Variants in CCDC62 observed in about 807,000 individuals in gnomAD.
CCDC62 encodes coiled-coil domain containing 62.
In CCDC62, 72 loss-of-function variants were observed where a neutral mutation model predicts 80.8. The ratio of observed to expected loss-of-function variants is 0.89; its 90% confidence interval spans 0.74 to 1.08. CCDC62 has a LOEUF of 1.08. Among genes scored for constraint, CCDC62 ranks in the 50% least tolerant of loss-of-function variants. The pLI, the probability that CCDC62 is intolerant of heterozygous loss-of-function variation, is 0.00. For synonymous variants in CCDC62, 286 were observed against 296.5 expected, an observed-to-expected ratio of 0.96 and a Z score of 0.36; for missense variants, 704 against 809.4, an observed-to-expected ratio of 0.87 and a Z score of 1.58.
intron 11 of CCDC62, among the ~76,000 whole-genome samples, chr12:122,815,330 C>T (rs1266403652): frequency 1.3e-5 from 2 of 152,246 alleles, no homozygotes; most frequent in Admixed American, 6.5e-5. Flanking sequence ...CCTCCTGCCT[C>T]AGCCTCCCAA....
chr12:122,775,123 C>T (rs1879349465), intron 1 of CCDC62, among the ~76,000 whole-genome samples: 1 of 126,088 alleles, frequency 7.9e-6, no homozygotes, highest in Non-Finnish European at 1.7e-5. Flanking sequence ...AAAAGTGAAA[C>T]AATACACTAG....
At chr12:122,783,672 C>G (rs1420324589) in intron 3 of CCDC62, among the ~76,000 whole-genome samples, 1 of 152,042 alleles carries the variant, frequency 6.6e-6, no homozygotes, top group Non-Finnish European at 1.5e-5. Context: ...AAAAACTATT[C>G]TAGAATATCT....
intron 5 of CCDC62, among the ~76,000 whole-genome samples, chr12:122,789,230 T>C (rs2030450895): frequency 6.6e-6 from 1 of 152,320 alleles, no homozygotes; most frequent in Non-Finnish European, 1.5e-5. Context: ...AGTATCTCAG[T>C]GGCAGACAGT....
chr12:122,776,317 T>TA, intron 1 of CCDC62, among the ~76,000 whole-genome samples: 1 of 152,354 alleles, frequency 6.6e-6, no homozygotes, highest in South Asian at 2.1e-4. Context: ...GCCAACTTGT[T>TA]AGATTTTAAA....
rs950640458 is a variant in CCDC62, at chr12:122,804,559, G to A, written c.1707-1592G>A. 3.9e-5 allele frequency among the ~76,000 whole-genome samples: 6 copies of A among 152,248 alleles called. No homozygotes were observed. In the South Asian group the frequency reaches 1.0e-3, roughly 26 times the overall value. On this transcript the variant is annotated intron_variant, in intron 9 of 12. Transcript: ENST00000253079. ...CAATACTTTGGGAGGCCAAAGCAAG[G>A]AGGATCTCTTGAGTTCAGGAGTTGA...
intron 3 of CCDC62, among the ~76,000 whole-genome samples, chr12:122,783,655 A>T (rs1395800814): frequency 1.3e-5 from 2 of 152,232 alleles, no homozygotes; most frequent in Non-Finnish European, 2.9e-5. Flanking sequence ...CTAGCTATAA[A>T]ATAAGTAAAA....
intron 5 of CCDC62, among the ~76,000 whole-genome samples, chr12:122,791,749 G>A (rs372574874): frequency 1.1e-4 from 16 of 152,274 alleles, no homozygotes; most frequent in African/African-American, 3.4e-4. Flanking sequence ...GCGCTGGGCA[G>A]ATTTTGATTT....
chr12:122,823,555 T>A (rs577833514), intron 12 of CCDC62, 96 bp downstream of exon 12: 4 of 673,554 alleles, frequency 5.9e-6, no homozygotes, highest in South Asian at 5.6e-5. Context: ...CATGCATTTG[T>A]TTGACTTGTA....
chr12:122,778,607 C>CGGTG (rs1239134339), intron 2 of CCDC62, among the ~76,000 whole-genome samples: 1 of 151,952 alleles, frequency 6.6e-6, no homozygotes, highest in Admixed American at 6.6e-5. Context: ...TGGTGGGGTG[C>CGGTG]GGTGGCTCAT....
chr12:122,796,874 CTTCTT>C (rs147245746), intron 6 of CCDC62, among the ~76,000 whole-genome samples: 116,436 of 145,440 alleles, frequency 0.8, 47,244 homozygotes, highest in Middle Eastern at 0.92. Context: ...CAAATCACTT[CTTCTT>C]TTTTTTTTTT....
intron 10 of CCDC62, among the ~76,000 whole-genome samples, chr12:122,812,775 G>A (rs57140048): frequency 5.4e-5 from 4 of 74,494 alleles, no homozygotes; most frequent in African/African-American, 2.6e-4. Context: ...GAGAGAGAGA[G>A]AGAGAAAGAA....
Position 122,809,630 on chromosome 12 carries a change from G to A in CCDC62, c.1851+3335G>A, listed in dbSNP as rs1057329561. ...GTGAAACACCATCTGGCTATGGCGA[G>A]GTGCCAATGACTTTCTTCACAGAAT... On this transcript the variant is annotated intron_variant, in intron 10 of 12. Coordinates refer to ENST00000253079, the MANE Select transcript of CCDC62 (RefSeq NM_201435.5). Among the ~76,000 whole-genome samples the A allele has an allele frequency of 5.7e-4, 87 of 152,344 alleles. No homozygotes were observed. In the Middle Eastern group the frequency reaches 0.01, roughly 18 times the overall value.
At chr12:122,789,775 ATGT>A (rs1405484347) in intron 5 of CCDC62, among the ~76,000 whole-genome samples, 3 of 152,206 alleles carry the variant, frequency 2.0e-5, no homozygotes, top group Middle Eastern at 3.2e-3. Flanking sequence ...GCATTCAAAA[ATGT>A]TGTCCTTATG....
chr12:122,807,329 C>T (rs563440741), intron 10 of CCDC62, among the ~76,000 whole-genome samples: 187 of 151,998 alleles, frequency 1.2e-3, no homozygotes, highest in Non-Finnish European at 2.1e-3. Context: ...GTCAGGAGTT[C>T]GAGACCAGCC....
intron 11 of CCDC62, among the ~76,000 whole-genome samples, chr12:122,817,590 C>G (rs2032222419): frequency 6.6e-6 from 1 of 152,194 alleles, no homozygotes; most frequent in African/African-American, 2.4e-5. Flanking sequence ...TCCCAATGTG[C>G]TGGGATTACA....
chr12:122,809,102 A>G (rs1566084562), intron 10 of CCDC62, among the ~76,000 whole-genome samples: 1 of 152,220 alleles, frequency 6.6e-6, no homozygotes, highest in Non-Finnish European at 1.5e-5. Context: ...TTCAATCCCA[A>G]AGAGACGCTA....
At chr12:122,808,090 C>A (rs986384389) in intron 10 of CCDC62, among the ~76,000 whole-genome samples, 2 of 151,852 alleles carry the variant, frequency 1.3e-5, no homozygotes, top group Non-Finnish European at 2.9e-5. Context: ...TGAGGTCAGG[C>A]GTTCGAGACC....
intron 7 of CCDC62, among the ~76,000 whole-genome samples, chr12:122,797,771 A>T (rs917110628): frequency 1.3e-5 from 2 of 151,742 alleles, no homozygotes; most frequent in African/African-American, 4.8e-5. Context: ...CGAACTCCTG[A>T]CCTCATGACC....
chr12:122,792,226 CAG>C, intron 6 of CCDC62, 105 bp downstream of exon 6: 2 of 502,548 alleles, frequency 4.0e-6, no homozygotes, highest in East Asian at 6.4e-5. Flanking sequence ...TTTTTTGAGA[CAG>C]GGTCTTTTTT....
Sources: allele counts gnomAD v4.1 joint callset (sites outside exome capture counted in the v4.1 genomes callset), GRCh38; gene constraint gnomAD v4.1.1; transcripts MANE v1.5; gene names NCBI Gene and HGNC (gene_info 2026-07-23, HGNC 2026-07-21).